ADGRL2: variants seen among roughly 807,000 people sequenced by gnomAD.
The protein encoded by ADGRL2 is adhesion G protein-coupled receptor L2, also known as calcium-independent alpha-latrotoxin receptor 2.
In ADGRL2, 44 loss-of-function variants were observed where a neutral mutation model predicts 157.4. That is an observed-to-expected ratio of 0.28 (90% CI 0.22 to 0.36). The LOEUF (loss-of-function observed/expected upper bound fraction) is 0.36. Ranked by LOEUF, ADGRL2 falls within the 10% of genes least tolerant of loss-of-function variation. ADGRL2 has a pLI of 1.00. For synonymous variants in ADGRL2, 585 were observed against 624.7 expected (o/e 0.94, Z 0.95); for missense variants, 1,510 against 1,768.9 (o/e 0.85, Z 2.63).
At chr1:81,683,020 C>G (rs546896326) in intron 3 of ADGRL2, among the ~76,000 whole-genome samples, 2 of 152,294 alleles carry the variant, frequency 1.3e-5, no homozygotes, top group African/African-American at 4.8e-5. Context: ...GTAATCCCAG[C>G]TACTCAGGAG....
intron 2 of ADGRL2, among the ~76,000 whole-genome samples, chr1:81,479,172 T>A (rs936107355): frequency 2.6e-4 from 40 of 152,200 alleles, no homozygotes; most frequent in Middle Eastern, 3.4e-3. Flanking sequence ...TTTTCTTTTT[T>A]AAAAAATTTC....
chr1:81,872,208 GT>G (rs2093715804), intron 2 of ADGRL2, among the ~76,000 whole-genome samples: 1 of 152,062 alleles, frequency 6.6e-6, no homozygotes, highest in Non-Finnish European at 1.5e-5. Flanking sequence ...TCCATTTCTT[GT>G]TTTTGTCAGG....
intron 1 of ADGRL2, among the ~76,000 whole-genome samples, chr1:81,755,832 C>T (rs948894406): frequency 1.1e-4 from 16 of 148,002 alleles, no homozygotes; most frequent in African/African-American, 3.7e-4. Flanking sequence ...GTATTAAGCC[C>T]AAACGACTCT....
chr1:81,380,147 T>G (rs577513661), intron 1 of ADGRL2, among the ~76,000 whole-genome samples: 1 of 143,434 alleles, frequency 7.0e-6, no homozygotes, highest in African/African-American at 2.5e-5. Context: ...AAACTCTAAC[T>G]TTTTTTCTCC....
At chr1:81,605,063 A>G (rs887270225) in intron 3 of ADGRL2, among the ~76,000 whole-genome samples, 3 of 152,144 alleles carry the variant, frequency 2.0e-5, no homozygotes, top group Non-Finnish European at 4.4e-5. Context: ...CACTGTCCAG[A>G]GTACTACCAA....
chr1:81,536,301 GT>G (rs139725649), intron 2 of ADGRL2, among the ~76,000 whole-genome samples: 3 of 151,780 alleles, frequency 2.0e-5, no homozygotes, highest in South Asian at 4.2e-4. Flanking sequence ...TATTTTACTG[GT>G]TTTTTTTAAG....
At chr1:81,321,635 C>T (rs767057011) in intron 1 of ADGRL2, among the ~76,000 whole-genome samples, 32 of 152,194 alleles carry the variant, frequency 2.1e-4, no homozygotes, top group Middle Eastern at 3.4e-3. Flanking sequence ...ATAGAGCAGT[C>T]GGAACCCACA....
intron 1 of ADGRL2, among the ~76,000 whole-genome samples, chr1:81,365,009 A>C (rs1362888970): frequency 6.6e-6 from 1 of 152,070 alleles, no homozygotes; most frequent in African/African-American, 2.4e-5. Flanking sequence ...TCTTGTATTG[A>C]GATAACCAAC....
At position 81,858,681 on chromosome 1, in the gene ADGRL2, C is replaced by T. The variant is rs76827112; in HGVS notation, c.73+21624C>T. 6.1e-3 allele frequency among the ~76,000 whole-genome samples: 922 copies of T among 152,002 alleles called. 9 individuals carry two copies. The highest frequency in any genetic ancestry group is 0.021 in the African/African-American group (868 of 41,442). On this transcript the variant is annotated intron_variant, in intron 2 of 23. Transcript: ENST00000686636. Reference sequence around the variant, plus strand: ...TATCAGAATTGGGGTTGAGTACTTCCGTCAGGGACTGTGAAAATTTAGCAC... The same window carrying T: ...TATCAGAATTGGGGTTGAGTACTTCTGTCAGGGACTGTGAAAATTTAGCAC...
At chr1:81,677,820 G>A (rs375570993) in intron 3 of ADGRL2, among the ~76,000 whole-genome samples, 13 of 151,984 alleles carry the variant, frequency 8.6e-5, no homozygotes, top group South Asian at 2.1e-4. Flanking sequence ...TAAAACTTTC[G>A]ATGCCTTCCT....
Position 81,459,920 on chromosome 1 carries a change from C to T in ADGRL2, c.-248+14831C>T, listed in dbSNP as rs570706898. Among the ~76,000 whole-genome samples, 5 of 151,822 alleles carry T rather than the reference C, an allele frequency of 3.3e-5. No individual in the cohort carries two copies. In the East Asian group the frequency reaches 7.8e-4, roughly 24 times the overall value. On this transcript the variant is annotated intron_variant, in intron 2 of 24. Transcript: ENST00000370721. ...AATTTGGAGTGTTTTAAAGACCCTC[C>T]GTACTGTTTTCTATAGCAGCTGCAC...
At chr1:81,436,860 C>T (rs1425884491) in intron 1 of ADGRL2, among the ~76,000 whole-genome samples, 7 of 152,154 alleles carry the variant, frequency 4.6e-5, no homozygotes, top group Admixed American at 2.0e-4. Flanking sequence ...GGCATTCATG[C>T]CATAGCTATT....
chr1:81,640,704 A>G (rs550324934), intron 3 of ADGRL2, among the ~76,000 whole-genome samples: 65 of 152,078 alleles, frequency 4.3e-4, no homozygotes, highest in African/African-American at 1.5e-3. Context: ...CTAAGCTCCT[A>G]TACTAGACCC....
intron 3 of ADGRL2, among the ~76,000 whole-genome samples, chr1:81,644,994 T>C (rs2082286350): frequency 6.6e-6 from 1 of 152,204 alleles, no homozygotes; most frequent in African/African-American, 2.4e-5. Flanking sequence ...TTGATTGGTA[T>C]TTAGTTGTGT....
rs536485027 is a variant in ADGRL2 at position 81,411,630 on chromosome 1, C to T, written c.-301-33406C>T. 6.6e-5 allele frequency among the ~76,000 whole-genome samples: 10 copies of T among 152,230 alleles called. No homozygotes were observed. The East Asian group carries it at 1.4e-3, about 21-fold the overall frequency. ...AGAAAGGGCCAGGAGCGGTGGCTCA[C>T]GCCTGTAATCCCAGCACTTTGGGAG... On this transcript the variant is annotated intron_variant, in intron 1 of 24. Coordinates refer to the ADGRL2 transcript ENST00000370721.
chr1:81,679,884 C>G (rs944683770), intron 3 of ADGRL2, among the ~76,000 whole-genome samples: 5 of 152,018 alleles, frequency 3.3e-5, no homozygotes, highest in Admixed American at 1.3e-4. Context: ...CAGTGGGAAC[C>G]TCGTAAAATG....
Position 81,765,526 on chromosome 1 carries a change from T to C in ADGRL2, c.-101+3674T>C, listed in dbSNP as rs181119218. Among the ~76,000 whole-genome samples the C allele has an allele frequency of 3.0e-3, 449 of 152,146 alleles. 3 individuals carry two copies. The highest frequency in any genetic ancestry group is 0.01 in the African/African-American group (435 of 41,580). On this transcript the variant is annotated intron_variant, in intron 2 of 20. Coordinates refer to the ADGRL2 transcript ENST00000359929. ...AATGCAAATATATATTTTATTGATA[T>C]GTATTATTAAAGCTGAACTTCAAAA...
intron 2 of ADGRL2, among the ~76,000 whole-genome samples, chr1:81,792,639 T>A (rs1057063298): frequency 1.3e-5 from 2 of 152,158 alleles, no homozygotes; most frequent in Non-Finnish European, 2.9e-5. Context: ...AGAGATAAAC[T>A]TTTAATGAAT....
intron 1 of ADGRL2, among the ~76,000 whole-genome samples, chr1:81,395,692 T>A (rs917188563): frequency 3.3e-5 from 5 of 152,230 alleles, no homozygotes; most frequent in Non-Finnish European, 5.9e-5. Context: ...CATTTAAATA[T>A]TTAACCCATT....
Sources: gnomAD v4.1 joint callset for allele counts (sites outside exome capture counted in the v4.1 genomes callset) on GRCh38, gnomAD v4.1.1 for gene constraint, MANE v1.5 for transcripts, NCBI Gene and HGNC (gene_info 2026-07-23, HGNC 2026-07-21) for gene names.